Variants in BRD3 observed in about 807,000 individuals in gnomAD.
The protein encoded by BRD3 is bromodomain containing 3, also known as bromodomain-containing protein 3.
BRD3 carries 17 observed loss-of-function variants against 66.8 expected under a neutral mutation model. That is an observed-to-expected ratio of 0.25 (90% CI 0.17 to 0.38). BRD3 has a LOEUF of 0.38. Ranked by LOEUF, BRD3 falls within the 10% of genes least tolerant of loss-of-function variation. The pLI is 1.00. For missense variants in BRD3, 713 were observed against 956.1 expected, an observed-to-expected ratio of 0.75 and a Z score of 3.35; for synonymous variants, 421 against 393.2, an observed-to-expected ratio of 1.07 and a Z score of -0.84.
Position 134,048,400 on chromosome 9 carries a change from T to A in BRD3, c.769A>T (p.Thr257Ser). ...DTTTPTTSAI[T>S]ASRSESPPPL... ...GGGGGCGACTCACTCCGGCTGGCAGTGATGGCCGACGTCGTGGGAGTGGTT... is the reference window on the plus strand; with the variant it reads ...GGGGGCGACTCACTCCGGCTGGCAGAGATGGCCGACGTCGTGGGAGTGGTT... Residue 257 changes from threonine to serine, a missense_variant, in exon 6 of 12, where the codon ACT (threonine) becomes TCT (serine). This residue lies in a region of BRD3 where 418 missense variants were observed against 609.3 expected (regional missense o/e 0.69). Coordinates refer to ENST00000303407, the MANE Select transcript of BRD3 (RefSeq NM_007371.4). 2 of 1,598,594 alleles carry A rather than the reference T, an allele frequency of 1.3e-6. No homozygotes were observed. The highest frequency in any genetic ancestry group is 1.7e-6 in the Non-Finnish European group (2 of 1,179,884).
chr9:134,045,830 C>T lies in BRD3; in HGVS notation c.1087-409G>A, dbSNP rs1335008395. ...CGTGAGGCTGCAGCAAAGTCAGACTCCACCAACAACAGGGGGCCTGCTCAG... is the reference window on the plus strand; with the variant it reads ...CGTGAGGCTGCAGCAAAGTCAGACTTCACCAACAACAGGGGGCCTGCTCAG... On this transcript the variant is annotated intron_variant, in intron 6 of 11. Coordinates refer to ENST00000303407, the MANE Select transcript of BRD3 (RefSeq NM_007371.4). The surrounding 1 kb of genome is among the most constrained non-coding windows in gnomAD (Gnocchi z 4.8). 1.3e-5 allele frequency among the ~76,000 whole-genome samples: 2 copies of T among 152,124 alleles called. No homozygotes were observed. The highest frequency in any genetic ancestry group is 2.9e-5 in the Non-Finnish European group (2 of 68,014).
At chr9:134,047,208 G>A (rs574712599) in intron 6 of BRD3, among the ~76,000 whole-genome samples, 2 of 152,372 alleles carry the variant, frequency 1.3e-5, no homozygotes, top group Non-Finnish European at 2.9e-5. Flanking sequence ...CCTGCCTCAG[G>A]TAGGCAGAAT....
intron 1 of BRD3, chr9:134,055,713 G>GAC (rs948695029): frequency 8.4e-4 from 128 of 152,814 alleles, no homozygotes; most frequent in African/African-American, 2.9e-3. Flanking sequence ...GTCAGGTGGG[G>GAC]ACATTCCCAG....
At chr9:134,038,225 G>C (rs531799811) in intron 9 of BRD3, among the ~76,000 whole-genome samples, 1 of 151,978 alleles carries the variant, frequency 6.6e-6, no homozygotes. Context: ...TGTGATCTCG[G>C]CTCACTGCAA....
chr9:134,040,574 T>A (rs945790431), intron 8 of BRD3, among the ~76,000 whole-genome samples: 1 of 152,188 alleles, frequency 6.6e-6, no homozygotes, highest in Non-Finnish European at 1.5e-5. Context: ...AAAAAAAATG[T>A]ATTATACTTT....
intron 1 of BRD3, among the ~76,000 whole-genome samples, chr9:134,061,679 G>A (rs1830546740): frequency 2.0e-5 from 3 of 152,226 alleles, no homozygotes; most frequent in South Asian, 2.1e-4. Context: ...GTCAGTGGGG[G>A]TCAGATGAGC....
intron 1 of BRD3, among the ~76,000 whole-genome samples, chr9:134,064,480 G>A (rs1232732046): frequency 6.6e-6 from 1 of 152,180 alleles, no homozygotes; most frequent in Non-Finnish European, 1.5e-5. Flanking sequence ...GGTGGAGGTT[G>A]CAGTGAAGGG....
At chr9:134,040,578 A>G (rs1259132098) in intron 8 of BRD3, among the ~76,000 whole-genome samples, 1 of 152,194 alleles carries the variant, frequency 6.6e-6, no homozygotes, top group African/African-American at 2.4e-5. Context: ...AAAATGTATT[A>G]TACTTTAAGT....
intron 7 of BRD3, among the ~76,000 whole-genome samples, chr9:134,044,685 G>A (rs1830130725): frequency 6.6e-6 from 1 of 152,114 alleles, no homozygotes; most frequent in African/African-American, 2.4e-5. Context: ...ACGCAGGCAG[G>A]AGCACACACA....
intron 3 of BRD3, 52 bp from the exon 4 acceptor site, chr9:134,051,761 G>A (rs762977930): frequency 1.3e-6 from 2 of 1,552,824 alleles, no homozygotes; most frequent in Admixed American, 2.3e-5. Flanking sequence ...CTGTGTGCTT[G>A]CAAAGGACAT....
chr9:134,053,051 A>G (rs1343586806), intron 2 of BRD3, among the ~76,000 whole-genome samples: 1 of 151,944 alleles, frequency 6.6e-6, no homozygotes, highest in Non-Finnish European at 1.5e-5. Context: ...GCTTCTCCCT[A>G]TTTCCTGCAC....
chr9:134,038,826 C>A (rs1278328163), intron 9 of BRD3, among the ~76,000 whole-genome samples: 1 of 152,088 alleles, frequency 6.6e-6, no homozygotes, highest in Non-Finnish European at 1.5e-5. Flanking sequence ...TGCAAATATT[C>A]CAAAATCTGA....
intron 6 of BRD3, 101 bp downstream of exon 6, chr9:134,047,982 C>T (rs1830211059): frequency 7.1e-7 from 1 of 1,410,304 alleles, no homozygotes; most frequent in African/African-American, 1.4e-5. Context: ...CAAGCGAGAC[C>T]CTGCTCCCCG....
At chr9:134,062,377 A>T (rs1588303297) in intron 1 of BRD3, among the ~76,000 whole-genome samples, 1 of 152,062 alleles carries the variant, frequency 6.6e-6, no homozygotes, top group African/African-American at 2.4e-5. Context: ...TGCAGCTGCC[A>T]GCGCTGCCTC....
chr9:134,056,504 G>C (rs1830428981), intron 1 of BRD3: 1 of 152,276 alleles, frequency 6.6e-6, no homozygotes, highest in South Asian at 2.1e-4. Context: ...ACGATGCCAT[G>C]ATAAGTGGCC....
At chr9:134,064,942 C>T (rs1014235077) in intron 1 of BRD3, among the ~76,000 whole-genome samples, 1 of 152,246 alleles carries the variant, frequency 6.6e-6, no homozygotes, top group African/African-American at 2.4e-5. Context: ...CCCAAATGCA[C>T]CTGGCACCCC....
intron 8 of BRD3, 123 bp downstream of exon 8, chr9:134,041,637 A>C: frequency 1.4e-5 from 18 of 1,277,378 alleles, no homozygotes; most frequent in Non-Finnish European, 1.5e-5. Flanking sequence ...ACGGGGAAGC[A>C]CTACCGCGGC....
At chr9:134,051,884 T>A (rs58614784) in intron 3 of BRD3, among the ~76,000 whole-genome samples, 175 bp from the exon 4 acceptor site, 2,391 of 58,362 alleles carry the variant, frequency 0.041, 119 homozygotes, top group African/African-American at 0.16. Flanking sequence ...TGTGTTGTTT[T>A]TTTTGTTTTT....
Position 134,030,612 on chromosome 9 carries a change from G to A in BRD3, c.*2978C>T, listed in dbSNP as rs575821996. On this transcript the variant is annotated 3_prime_UTR_variant, in exon 12 of 12. Transcript: ENST00000303407. The stretch of plus-strand genomic sequence containing the variant: ...AAGAAAAACTTCCTGGAAGCATTAT[G>A]CCAGTATTAAGGAACAGTGCTACTC... 4.4e-5 allele frequency: 10 copies of A among 226,278 alleles called. No individual in the cohort carries two copies. The highest frequency in any genetic ancestry group is 2.2e-4 in the African/African-American group (10 of 45,024). 14.0% of individuals were successfully genotyped at this position (226,278 alleles called of 1,614,324 possible).
Sources: allele counts gnomAD v4.1 joint callset (sites outside exome capture counted in the v4.1 genomes callset), GRCh38; gene constraint gnomAD v4.1.1; regional missense constraint gnomAD v4.1.1; non-coding constraint Gnocchi (gnomAD v3.1); transcripts MANE v1.5; gene names NCBI Gene and HGNC (gene_info 2026-07-23, HGNC 2026-07-21).